The following ZNF345 variants were observed in gnomAD, a reference collection of about 807,000 sequenced individuals.
The protein encoded by ZNF345 is zinc finger protein HZF10.
For missense variants in ZNF345, 527 were observed against 589.9 expected (o/e 0.89, Z 1.10); for synonymous variants, 166 against 187.9 (o/e 0.88, Z 0.95).
At chr19:36,880,685 G>A (rs1943479679), downstream of ZNF345, among the ~76,000 whole-genome samples, 1 of 152,144 alleles carries the variant, frequency 6.6e-6, no homozygotes, top group Non-Finnish European at 1.5e-5. Flanking sequence ...GGCTGAGGTG[G>A]GAGGATCAGT....
intron 2 of ZNF345, chr19:36,854,518 C>T (rs547365319): frequency 1.3e-5 from 2 of 152,272 alleles, no homozygotes; most frequent in Non-Finnish European, 2.9e-5. Flanking sequence ...GTCTTGGACT[C>T]CAGACAAAGG....
intron 2 of ZNF345, chr19:36,863,090 T>G (rs2072586834): frequency 6.6e-6 from 1 of 152,146 alleles, no homozygotes; most frequent in Non-Finnish European, 1.5e-5. Flanking sequence ...CAAACAAATT[T>G]CTGTTATTTA....
Position 36,878,561 on chromosome 19 carries a change from C to T in ZNF345, c.*264C>T, listed in dbSNP as rs1281858209. ...AAAAAAAATCATTTATTATATTTTG[C>T]CTCAACTTTAAACATTGGAAAACTC... On this transcript the variant is annotated 3_prime_UTR_variant, in exon 3 of 3. Transcript: ENST00000420450. The T allele has an allele frequency of 1.4e-5, 4 of 287,324 alleles. No homozygotes were observed. The highest frequency in any genetic ancestry group is 2.2e-5 in the African/African-American group (1 of 45,214). The allele number at this position is 287,324 out of a possible 1,614,324, so 17.8% of individuals were successfully genotyped here. A position where few individuals can be genotyped will look rare whatever the true frequency, so the allele number is the denominator to read the frequency against.
chr19:36,886,855 G>A (rs530177095), intron 3 of ZNF345, among the ~76,000 whole-genome samples: 7 of 151,866 alleles, frequency 4.6e-5, no homozygotes, highest in South Asian at 2.1e-4. Flanking sequence ...TTAGCCGGGC[G>A]TGGTGGTGGG....
intron 3 of ZNF345, among the ~76,000 whole-genome samples, chr19:36,886,657 C>A (rs2072999103): frequency 6.6e-6 from 1 of 151,964 alleles, no homozygotes; most frequent in Non-Finnish European, 1.5e-5. Flanking sequence ...ACCAGCCTGG[C>A]CAACATGGTG....
rs1308036481 is a variant in ZNF345 at position 36,877,759 on chromosome 19, G to A, written c.929G>A (p.Gly310Asp). 3 of 1,614,100 alleles carry A rather than the reference G, an allele frequency of 1.9e-6. No individual in the cohort carries two copies. The highest frequency in any genetic ancestry group is 2.5e-6 in the Non-Finnish European group (3 of 1,180,010). The stretch of plus-strand genomic sequence containing the variant: ...ACTCAGCATCAGAGAATTCACACTG[G>A]TGAGAAACCCTATGAGTGTAAGGAG... Reference protein sequence around the residue: ...DLTQHQRIHTGEKPYECKECE... With the variant: ...DLTQHQRIHTDEKPYECKECE... The change falls in exon 3 of 3, where the codon GGT becomes GAT. Residue 310 changes from glycine (G) to aspartate (D), a missense_variant. Transcript: ENST00000420450.
chr19:36,862,897 C>T (rs1168393055), intron 2 of ZNF345: 1 of 151,968 alleles, frequency 6.6e-6, no homozygotes, highest in East Asian at 1.9e-4. Context: ...CTCATTCGAC[C>T]TGACTCCTAT....
intron 2 of ZNF345, among the ~76,000 whole-genome samples, chr19:36,872,087 T>C (rs1400208524): frequency 6.6e-6 from 1 of 152,010 alleles, no homozygotes; most frequent in Non-Finnish European, 1.5e-5. Context: ...TGACATTGAA[T>C]TTTTTTGAGA....
chr19:36,880,150 T>A (rs1487739804), downstream of ZNF345, among the ~76,000 whole-genome samples: 3 of 151,970 alleles, frequency 2.0e-5, no homozygotes, highest in East Asian at 5.9e-4. Flanking sequence ...TGAAACCCCA[T>A]CTCTATTAAA....
rs183635112 is a variant in ZNF345, at chr19:36,875,261, A to G, written c.-46-1524A>G. On this transcript the variant is annotated intron_variant, in intron 2 of 2. Coordinates refer to ENST00000420450, the MANE Select transcript of ZNF345 (RefSeq NM_001242472.2). ...GAGGAAAAAAGAGCTCTGAGAAATG[A>G]TAGTAGAGTGTGCATAATTCAGACT... Among the ~76,000 whole-genome samples, 4 of 152,324 alleles carry G rather than the reference A, an allele frequency of 2.6e-5. No homozygotes were observed. In the East Asian group the frequency reaches 7.7e-4, roughly 29 times the overall value.
At chr19:36,870,618 T>C (rs141004041) in intron 2 of ZNF345, among the ~76,000 whole-genome samples, 1,697 of 152,300 alleles carry the variant, frequency 0.011, 16 homozygotes, top group East Asian at 0.055. Flanking sequence ...CATGGAATTC[T>C]ACATTAAAAA....
chr19:36,853,728 A>ATATGTC (rs2072341100), intron 2 of ZNF345, among the ~76,000 whole-genome samples: 1 of 152,194 alleles, frequency 6.6e-6, no homozygotes, highest in African/African-American at 2.4e-5. Context: ...AAGTGAACAT[A>ATATGTC]TATGTCTATG....
At chr19:36,884,865 A>T (rs929662343) in intron 3 of ZNF345, among the ~76,000 whole-genome samples, 1 of 152,188 alleles carries the variant, frequency 6.6e-6, no homozygotes, top group African/African-American at 2.4e-5. Flanking sequence ...AAGTTAATTT[A>T]TCACTATACA....
chr19:36,862,072 G>C (rs1432962043), intron 2 of ZNF345, among the ~76,000 whole-genome samples: 1 of 148,220 alleles, frequency 6.7e-6, no homozygotes, highest in Admixed American at 6.7e-5. Context: ...TGTTGGTCAG[G>C]CTGGTCTCAA....
At chr19:36,869,573 G>C (rs1212921338) in intron 2 of ZNF345, among the ~76,000 whole-genome samples, 1 of 152,100 alleles carries the variant, frequency 6.6e-6, no homozygotes, top group South Asian at 2.1e-4. Context: ...GAAGCTACTC[G>C]GGTCCACCAT....
chr19:36,884,672 A>C (rs1228643379), intron 3 of ZNF345, among the ~76,000 whole-genome samples: 1 of 152,130 alleles, frequency 6.6e-6, no homozygotes, highest in Non-Finnish European at 1.5e-5. Flanking sequence ...ATTTCCCCAG[A>C]AGTCAAAACT....
chr19:36,891,952 C>A (rs781088904), intron 3 of ZNF345: 2 of 1,613,804 alleles, frequency 1.2e-6, no homozygotes, highest in African/African-American at 1.3e-5. Flanking sequence ...AAGTTGTGAA[C>A]TTTTAGTAAA....
intron 2 of ZNF345, among the ~76,000 whole-genome samples, chr19:36,871,398 CCTTTAT>C (rs2072768502): frequency 6.6e-6 from 1 of 152,146 alleles, no homozygotes; most frequent in South Asian, 2.1e-4. Context: ...TGCCACATTT[CCTTTAT>C]CTTTATTAAT....
intron 2 of ZNF345, among the ~76,000 whole-genome samples, chr19:36,859,400 C>G (rs935059948): frequency 6.6e-6 from 1 of 152,100 alleles, no homozygotes; most frequent in Non-Finnish European, 1.5e-5. Context: ...AAGTGATCCT[C>G]CTGCCTCAGC....
Sources: allele counts gnomAD v4.1 joint callset (sites outside exome capture counted in the v4.1 genomes callset), GRCh38; gene constraint gnomAD v4.1.1; transcripts MANE v1.5; gene names NCBI Gene and HGNC (gene_info 2026-07-23, HGNC 2026-07-21).